The following COX15 variants were observed in gnomAD, a reference collection of about 807,000 sequenced individuals.
COX15 encodes cytochrome c oxidase assembly factor COX15, also known as heme A synthase COX15.
In COX15, 51 loss-of-function variants were observed where a neutral mutation model predicts 51.9. The ratio of observed to expected loss-of-function variants is 0.98; its 90% CI spans 0.78 to 1.24. The LOEUF (loss-of-function observed/expected upper bound fraction) is 1.24, where lower values mean the gene tolerates loss of function less well. Ranked by LOEUF, COX15 falls within the 50% of genes most tolerant of loss-of-function variation. The pLI is 0.00. For synonymous variants in COX15, 188 were observed against 190.5 expected, an observed-to-expected ratio of 0.99 and a Z score of 0.11; for missense variants, 420 against 501.1, an observed-to-expected ratio of 0.84 and a Z score of 1.55.
Position 99,711,122 on chromosome 10 carries a change from C to T in COX15, c.*3465G>A. The T allele has an allele frequency of 1.0e-6, 1 of 984,864 alleles. No individual in the cohort carries two copies. The highest frequency in any genetic ancestry group is 1.2e-6 in the Non-Finnish European group (1 of 829,594). The allele number at this position is 984,864 out of a possible 1,614,324, so 61.0% of individuals were successfully genotyped here. ...AATACAAAAAAAACCCTAAGATAAT[C>T]ATTCACCAGAAGCTCATAGATATAA... On this transcript the variant is annotated 3_prime_UTR_variant, in exon 9 of 9. Coordinates refer to ENST00000016171, the MANE Select transcript of COX15 (RefSeq NM_078470.6).
At chr10:99,700,474 TAA>T in the COX15 span, among the ~76,000 whole-genome samples, 12 of 151,618 alleles carry the variant, frequency 7.9e-5, no homozygotes, top group Non-Finnish European at 1.2e-4. Flanking sequence ...CACTAGAATG[TAA>T]GCTTCCTGAG....
At chr10:99,731,901 T>G in intron 1 of COX15, 59 bp downstream of exon 1, 1 of 1,554,796 alleles carries the variant, frequency 6.4e-7, no homozygotes, top group Non-Finnish European at 8.7e-7. Context: ...ATTATCTTTA[T>G]CCCGGCCCTT....
In COX15 at chr10:99,714,522, G is replaced by A. The variant is rs2036504638; in HGVS notation, c.*65C>T. ...AAGGTCATCTCGTAGAAAAGCCCAA[G>A]TTCTTATGATCTCTGAAGAGCTCTC... is the stretch of plus-strand genomic sequence containing the variant. On this transcript the variant is annotated 3_prime_UTR_variant, in exon 9 of 9. Coordinates refer to ENST00000016171, the MANE Select transcript of COX15 (RefSeq NM_078470.6). 14 of 1,612,254 alleles carry A rather than the reference G, an allele frequency of 8.7e-6. No homozygotes were observed. The South Asian group carries it at 1.4e-4, about 16-fold the overall frequency.
chr10:99,727,429 T>A lies in COX15; in HGVS notation c.395+12A>T. On this transcript the variant is annotated intron_variant, in intron 3 of 8. Coordinates refer to ENST00000016171, the MANE Select transcript of COX15 (RefSeq NM_078470.6). ...CTACTGGGATGTTTACCTAATTTTC[T>A]CTAATACTTACATTTTAAATTCTGG... 1 of 1,612,820 alleles carries A rather than the reference T, an allele frequency of 6.2e-7. No individual in the cohort carries two copies. The highest frequency in any genetic ancestry group is 8.5e-7 in the Non-Finnish European group (1 of 1,180,022).
At chr10:99,704,089 G>A in the COX15 span, among the ~76,000 whole-genome samples, 3 of 152,158 alleles carry the variant, frequency 2.0e-5, no homozygotes, top group Non-Finnish European at 4.4e-5. Flanking sequence ...GGATTCAGGG[G>A]ATACCCTATT....
chr10:99,711,698 A>G lies in COX15; in HGVS notation c.*2889T>C, dbSNP rs181585883. On this transcript the variant is annotated 3_prime_UTR_variant, in exon 9 of 9. Transcript: ENST00000016171. ...GCTTGGGCTTTGGGATTTTTCTAAG[A>G]TTCAAATAAGAGAGAAGTTGGGAAT... is the stretch of plus-strand genomic sequence containing the variant. The G allele has an allele frequency of 1.0e-6, 1 of 985,410 alleles. No homozygotes were observed. The highest frequency in any genetic ancestry group is 1.7e-5 in the African/African-American group (1 of 57,342). 61.0% of individuals were successfully genotyped at this position (985,410 alleles called of 1,614,324 possible).
chr10:99,699,105 C>G, the COX15 span, among the ~76,000 whole-genome samples: 6 of 152,292 alleles, frequency 3.9e-5, no homozygotes, highest in East Asian at 9.6e-4. Context: ...AATTATTACC[C>G]AGGCATAAAA....
intron 4 of COX15, among the ~76,000 whole-genome samples, chr10:99,726,489 T>C (rs990973109): frequency 7.2e-5 from 11 of 152,206 alleles, no homozygotes; most frequent in Non-Finnish European, 1.5e-4. Flanking sequence ...TTAGGTAATT[T>C]ACCCTAAGTG....
At chr10:99,726,816 G>A (rs2036965082) in intron 4 of COX15, 152 bp downstream of exon 4, 1 of 726,668 alleles carries the variant, frequency 1.4e-6, no homozygotes, top group Non-Finnish European at 2.3e-6. Context: ...AACCTGGGAG[G>A]CGGAGCTTGC....
chr10:99,724,936 C>G (rs917081947), intron 4 of COX15, among the ~76,000 whole-genome samples: 1 of 152,150 alleles, frequency 6.6e-6, no homozygotes, highest in African/African-American at 2.4e-5. Context: ...GTTCCCACTC[C>G]GCTTTAAGCA....
the COX15 span, chr10:99,704,377 C>A: frequency 7.2e-7 from 1 of 1,393,562 alleles, no homozygotes; most frequent in Non-Finnish European, 1.0e-6. Context: ...CACTACTGGG[C>A]CTTTCAAATC....
chr10:99,707,669 G>A (rs973803584), downstream of COX15, among the ~76,000 whole-genome samples: 2 of 152,138 alleles, frequency 1.3e-5, no homozygotes, highest in East Asian at 3.8e-4. Flanking sequence ...ACTGAGACAG[G>A]TCACAAACAT....
At chr10:99,730,562 C>T (rs938322167) in intron 1 of COX15, among the ~76,000 whole-genome samples, 8 of 145,464 alleles carry the variant, frequency 5.5e-5, no homozygotes, top group South Asian at 2.3e-4. Context: ...CCAGCCTAGG[C>T]GATGAAGTGA....
intron 2 of COX15, 29 bp downstream of exon 2, chr10:99,729,524 A>G: frequency 2.5e-6 from 4 of 1,603,460 alleles, no homozygotes; most frequent in Non-Finnish European, 3.4e-6. Flanking sequence ...TGATCCAAAT[A>G]CCTGACTCAC....
At chr10:99,699,238 T>C in the COX15 span, among the ~76,000 whole-genome samples, 1 of 152,226 alleles carries the variant, frequency 6.6e-6, no homozygotes, top group Non-Finnish European at 1.5e-5. Context: ...TAATGTGCTT[T>C]TGGAGATGAT....
downstream of COX15, chr10:99,709,744 A>T (rs879420594): frequency 1.0e-6 from 1 of 985,190 alleles, no homozygotes; most frequent in Admixed American, 6.1e-5. Flanking sequence ...CTGTCTACTT[A>T]TCTTCCTTAT....
chr10:99,718,568 T>C lies in COX15; in HGVS notation c.833-68A>G, dbSNP rs1023711453. On this transcript the variant is annotated intron_variant, in intron 6 of 8. Coordinates refer to ENST00000016171, the MANE Select transcript of COX15 (RefSeq NM_078470.6). ...AAGAGACCAAATACTAGTTCTGATA[T>C]AGAAAAAGTCTGTTATCCCAGAGTT... 10 of 1,533,824 alleles carry C rather than the reference T, an allele frequency of 6.5e-6. No individual in the cohort carries two copies. In the African/African-American group the frequency reaches 9.5e-5, roughly 15 times the overall value.
chr10:99,706,365 A>T (rs963843691), downstream of COX15: 1 of 151,334 alleles, frequency 6.6e-6, no homozygotes, highest in Non-Finnish European at 1.5e-5. Context: ...ACAGGGCCTC[A>T]CGCTGTCACC....
chr10:99,716,017 G>A (rs1198411804), intron 8 of COX15, among the ~76,000 whole-genome samples: 2 of 146,608 alleles, frequency 1.4e-5, no homozygotes, highest in Non-Finnish European at 3.0e-5. Context: ...AAACAGACAG[G>A]GTCTCACTCT....
Sources: allele counts gnomAD v4.1 joint callset (sites outside exome capture counted in the v4.1 genomes callset), GRCh38; gene constraint gnomAD v4.1.1; transcripts MANE v1.5; gene names NCBI Gene and HGNC (gene_info 2026-07-23, HGNC 2026-07-21).